The following FMN2 variants were observed in gnomAD, a reference collection of about 807,000 sequenced individuals.
FMN2 encodes formin 2, also known as formin-2.
FMN2 carries 51 observed loss-of-function variants against 142.3 expected under a neutral mutation model. The observed-to-expected ratio is 0.36, with a 90% CI of 0.29 to 0.45. The LOEUF is 0.45. FMN2 is among the 20% of genes least tolerant of loss of function. The pLI is 1.00. For missense variants in FMN2, 1,936 were observed against 2,122.8 expected (o/e 0.91, Z 1.73); for synonymous variants, 882 against 869.8 (o/e 1.01, Z -0.25).
intron 16 of FMN2, among the ~76,000 whole-genome samples, chr1:240,447,571 A>G (rs1032344770): frequency 6.6e-5 from 10 of 152,130 alleles, no homozygotes; most frequent in African/African-American, 2.4e-4. Flanking sequence ...AATGTACGGA[A>G]CTCTCATACT....
chr1:240,151,529 G>C (rs1228474308), intron 2 of FMN2, among the ~76,000 whole-genome samples: 1 of 152,080 alleles, frequency 6.6e-6, no homozygotes, highest in Non-Finnish European at 1.5e-5. Flanking sequence ...GAAAATGTAA[G>C]CTCCGGTGTG....
intron 13 of FMN2, among the ~76,000 whole-genome samples, chr1:240,345,006 C>A (rs1411549388): frequency 1.3e-5 from 2 of 152,106 alleles, no homozygotes; most frequent in East Asian, 3.9e-4. Context: ...ACAAGTTTAC[C>A]ATGAGATTAT....
intron 2 of FMN2, among the ~76,000 whole-genome samples, chr1:240,175,376 C>T (rs1664873843): frequency 6.6e-6 from 1 of 152,136 alleles, no homozygotes; most frequent in Admixed American, 6.5e-5. Flanking sequence ...TATAGTAATT[C>T]TATTTTTAAT....
In FMN2 at chr1:240,139,108, C is replaced by CCGGT. The variant is rs1663072770; in HGVS notation, c.1782+15767_1782+15770dup. 3.3e-5 allele frequency among the ~76,000 whole-genome samples: 5 copies of CCGGT among 152,232 alleles called. No homozygotes were observed. In the South Asian group the frequency reaches 1.0e-3, roughly 32 times the overall value. ...AACTTCCCAGGTGATGCCAATGATG[C>CCGGT]CGGTCGGGGACCACACTTTAAGAAG... is the stretch of plus-strand genomic sequence containing the variant. On this transcript the variant is annotated intron_variant, in intron 2 of 17. Coordinates refer to ENST00000319653, the MANE Select transcript of FMN2 (RefSeq NM_020066.5).
At chr1:240,159,932 T>TC (rs1664201347) in intron 2 of FMN2, among the ~76,000 whole-genome samples, 1 of 82,428 alleles carries the variant, frequency 1.2e-5, no homozygotes, top group Admixed American at 1.3e-4. Flanking sequence ...TATATATATA[T>TC]TTGTGTATAT....
At chr1:240,267,450 CAT>C (rs1241119448) in intron 7 of FMN2, among the ~76,000 whole-genome samples, 1 of 151,854 alleles carries the variant, frequency 6.6e-6, no homozygotes, top group Non-Finnish European at 1.5e-5. Context: ...CACGTGGACA[CAT>C]AGAGGAGAAC....
chr1:240,328,167 A>AAAAAG (rs1671249402), intron 8 of FMN2, among the ~76,000 whole-genome samples: 1 of 141,168 alleles, frequency 7.1e-6, no homozygotes, highest in South Asian at 2.3e-4. Context: ...AAAAAAAAAA[A>AAAAAG]AAAAAGAAAA....
At chr1:240,413,708 T>A (rs1674490082) in intron 15 of FMN2, among the ~76,000 whole-genome samples, 1 of 152,176 alleles carries the variant, frequency 6.6e-6, no homozygotes, top group South Asian at 2.1e-4. Context: ...GACATTGTCT[T>A]TTCATGTTTG....
intron 2 of FMN2, among the ~76,000 whole-genome samples, chr1:240,134,616 C>T (rs1662864601): frequency 6.6e-6 from 1 of 151,744 alleles, no homozygotes; most frequent in African/African-American, 2.4e-5. Context: ...GAGACCCTGT[C>T]CCACCAAAAA....
At chr1:240,325,586 A>G (rs4406617) in intron 8 of FMN2, among the ~76,000 whole-genome samples, 84,217 of 152,002 alleles carry the variant, frequency 0.55, 24,431 homozygotes, top group African/African-American at 0.73. Context: ...TGGGGCTTTT[A>G]TAGTTATTTG....
At chr1:240,381,579 G>A (rs150651103) in intron 14 of FMN2, among the ~76,000 whole-genome samples, 182 of 152,106 alleles carry the variant, frequency 1.2e-3, no homozygotes, top group African/African-American at 3.9e-3. Flanking sequence ...ACAGAAACAC[G>A]CCACCATGCC....
chr1:240,239,879 A>C (rs1359577440), intron 6 of FMN2, among the ~76,000 whole-genome samples: 3 of 152,210 alleles, frequency 2.0e-5, no homozygotes, highest in Admixed American at 6.5e-5. Flanking sequence ...CAAACTTTTC[A>C]TCTAAATTTC....
intron 1 of FMN2, 47 bp downstream of exon 1, chr1:240,093,771 G>A: frequency 7.9e-7 from 1 of 1,258,040 alleles, no homozygotes; most frequent in Non-Finnish European, 1.0e-6. Flanking sequence ...TCGCCTGTCA[G>A]TCAGGGCCTT....
chr1:240,464,153 A>T (rs1180235887), intron 16 of FMN2, among the ~76,000 whole-genome samples: 1 of 152,208 alleles, frequency 6.6e-6, no homozygotes, highest in Non-Finnish European at 1.5e-5. Context: ...AAAGAGGCAG[A>T]TGTGTGTGAT....
intron 1 of FMN2, among the ~76,000 whole-genome samples, chr1:240,101,516 GTGTGCCTGTGTGTCTGTGT>G (rs1661412625): frequency 2.7e-5 from 4 of 150,154 alleles, no homozygotes; most frequent in African/African-American, 9.9e-5. Flanking sequence ...GTATGTGTGT[GTGTGCCTGTGTGTCTGTGT>G]TGTGTGTGTG....
At chr1:240,129,522 T>C (rs999255018) in intron 2 of FMN2, among the ~76,000 whole-genome samples, 1 of 150,282 alleles carries the variant, frequency 6.7e-6, no homozygotes, top group Non-Finnish European at 1.5e-5. Context: ...TTTTTTTTTT[T>C]TTGAGATGGA....
intron 16 of FMN2, among the ~76,000 whole-genome samples, chr1:240,453,370 T>C (rs1676123700): frequency 6.6e-6 from 1 of 152,148 alleles, no homozygotes; most frequent in Non-Finnish European, 1.5e-5. Context: ...CTTGGGCAGT[T>C]ATTTAATCTT....
chr1:240,131,228 A>G (rs758777103), intron 2 of FMN2, among the ~76,000 whole-genome samples: 2 of 152,198 alleles, frequency 1.3e-5, no homozygotes, highest in Non-Finnish European at 2.9e-5. Flanking sequence ...GGCATATAGT[A>G]AGTGTTCAAT....
At chr1:240,404,078 C>T (rs1271585263) in intron 15 of FMN2, among the ~76,000 whole-genome samples, 2 of 152,124 alleles carry the variant, frequency 1.3e-5, no homozygotes, top group African/African-American at 4.8e-5. Context: ...ATTAATCTTT[C>T]ATGCAAAATA....
Sources: gnomAD v4.1 joint callset for allele counts (sites outside exome capture counted in the v4.1 genomes callset) on GRCh38, gnomAD v4.1.1 for gene constraint, MANE v1.5 for transcripts, NCBI Gene and HGNC (gene_info 2026-07-23, HGNC 2026-07-21) for gene names.